The following CDH8 variants were observed in gnomAD, a reference collection of about 807,000 sequenced individuals.
CDH8 encodes the protein cadherin 8.
In CDH8, 17 loss-of-function variants were observed where a neutral mutation model predicts 68.1. The ratio of observed to expected loss-of-function variants is 0.25; its 90% CI spans 0.17 to 0.37. CDH8 has a LOEUF of 0.37. Ranked by LOEUF, CDH8 falls within the 10% of genes least tolerant of loss-of-function variation. The pLI is 1.00. For missense variants in CDH8, 763 were observed against 999.3 expected, an observed-to-expected ratio of 0.76 and a Z score of 3.19; for synonymous variants, 372 against 365.1, an observed-to-expected ratio of 1.02 and a Z score of -0.21.
chr16:61,960,409 ATATG>A (rs1367048161), intron 2 of CDH8, among the ~76,000 whole-genome samples: 4 of 102,826 alleles, frequency 3.9e-5, no homozygotes, highest in African/African-American at 1.7e-4. Context: ...ATATATACAT[ATATG>A]TGTGTGTGTA....
chr16:61,712,322 T>C (rs1310826607), intron 10 of CDH8, among the ~76,000 whole-genome samples: 3 of 151,720 alleles, frequency 2.0e-5, no homozygotes, highest in African/African-American at 4.8e-5. Context: ...ATACCTTATG[T>C]GATGCCTTCT....
intron 2 of CDH8, among the ~76,000 whole-genome samples, chr16:61,911,352 A>AT (rs1398211695): frequency 2.0e-5 from 3 of 152,106 alleles, no homozygotes; most frequent in Non-Finnish European, 2.9e-5. Context: ...TTATGTTTCA[A>AT]TGCACATTAA....
At chr16:61,671,526 T>A (rs746716366) in intron 10 of CDH8, among the ~76,000 whole-genome samples, 18 of 151,912 alleles carry the variant, frequency 1.2e-4, no homozygotes, top group Non-Finnish European at 2.2e-4. Flanking sequence ...TAAAGTCCAG[T>A]GTTTGTCCTT....
chr16:61,853,610 C>T (rs374327793), intron 4 of CDH8, among the ~76,000 whole-genome samples: 17 of 152,120 alleles, frequency 1.1e-4, no homozygotes, highest in Admixed American at 2.0e-4. Context: ...CCAACATTTT[C>T]GAACCCATCT....
At chr16:61,830,441 T>C (rs930612330) in intron 4 of CDH8, among the ~76,000 whole-genome samples, 4 of 151,836 alleles carry the variant, frequency 2.6e-5, no homozygotes, top group Non-Finnish European at 5.9e-5. Flanking sequence ...TTTTCAACTT[T>C]TATTCTAAAA....
At chr16:61,934,926 C>A (rs563539395) in intron 2 of CDH8, among the ~76,000 whole-genome samples, 2 of 152,254 alleles carry the variant, frequency 1.3e-5, no homozygotes, top group South Asian at 4.1e-4. Flanking sequence ...CATCTCATGC[C>A]AAGTCCAAAA....
intron 3 of CDH8, among the ~76,000 whole-genome samples, chr16:61,867,768 C>T (rs1963283605): frequency 6.6e-6 from 1 of 152,098 alleles, no homozygotes; most frequent in African/African-American, 2.4e-5. Context: ...ACCCAGATTC[C>T]AGATTTAGTT....
At position 61,742,129 on chromosome 16, in the gene CDH8, T is replaced by C. The variant is rs192016803; in HGVS notation, c.1415-14914A>G. 3.0e-4 allele frequency among the ~76,000 whole-genome samples: 45 copies of C among 152,300 alleles called. No homozygotes were observed. The East Asian group carries it at 7.1e-3, about 24-fold the overall frequency. ...AGATTGTTTTGCTATGTAATTGAAG[T>C]CTGCTCAATATTATAGGTAGTATTT... is the stretch of plus-strand genomic sequence containing the variant. On this transcript the variant is annotated intron_variant, in intron 8 of 11. Coordinates refer to ENST00000577390, the MANE Select transcript of CDH8 (RefSeq NM_001796.5).
intron 2 of CDH8, among the ~76,000 whole-genome samples, chr16:61,999,966 C>G (rs1382768261): frequency 6.6e-6 from 1 of 151,922 alleles, no homozygotes; most frequent in African/African-American, 2.4e-5. Context: ...CCCCTTGCCC[C>G]CCGACCCCTG....
intron 4 of CDH8, among the ~76,000 whole-genome samples, chr16:61,847,150 A>G (rs914925700): frequency 3.3e-5 from 5 of 152,010 alleles, no homozygotes; most frequent in Non-Finnish European, 5.9e-5. Context: ...TTCATTCTGG[A>G]TTTAACTGTC....
intron 8 of CDH8, among the ~76,000 whole-genome samples, chr16:61,775,532 ATGTGGCT>A (rs1960879882): frequency 6.6e-6 from 1 of 152,124 alleles, no homozygotes; most frequent in Non-Finnish European, 1.5e-5. Context: ...ACTCTTGATC[ATGTGGCT>A]TGTTTTGGTC....
At chr16:61,661,367 T>C (rs1374888671) in intron 10 of CDH8, among the ~76,000 whole-genome samples, 1 of 151,726 alleles carries the variant, frequency 6.6e-6, no homozygotes, top group Non-Finnish European at 1.5e-5. Flanking sequence ...CCTCAATACA[T>C]GATAGAATGA....
At chr16:61,737,682 C>T (rs544484912) in intron 8 of CDH8, among the ~76,000 whole-genome samples, 9 of 152,202 alleles carry the variant, frequency 5.9e-5, no homozygotes, top group Admixed American at 2.0e-4. Context: ...AATTAACCAA[C>T]GGACACCAAG....
intron 10 of CDH8, among the ~76,000 whole-genome samples, chr16:61,676,164 A>G (rs1963905948): frequency 6.6e-6 from 1 of 150,454 alleles, no homozygotes; most frequent in Admixed American, 6.6e-5. Context: ...AAAAACCACA[A>G]CGTTTTGCTT....
chr16:61,793,355 C>T (rs1961423100), intron 7 of CDH8, among the ~76,000 whole-genome samples: 1 of 151,840 alleles, frequency 6.6e-6, no homozygotes, highest in African/African-American at 2.4e-5. Flanking sequence ...TATTTCATCA[C>T]CCAGGTCTTA....
intron 8 of CDH8, among the ~76,000 whole-genome samples, chr16:61,733,263 C>A (rs1476725337): frequency 6.6e-6 from 1 of 151,634 alleles, no homozygotes; most frequent in Non-Finnish European, 1.5e-5. Context: ...TAAAAACTTA[C>A]AAATATTTGT....
intron 10 of CDH8, among the ~76,000 whole-genome samples, chr16:61,656,174 C>T (rs4636897): frequency 0.14 from 20,730 of 152,094 alleles, 1,597 homozygotes; most frequent in African/African-American, 0.2. Context: ...GCCCGGCCTG[C>T]GCTTTTTCAA....
At chr16:61,829,123 A>T (rs2057980179) in intron 4 of CDH8, among the ~76,000 whole-genome samples, 1 of 151,844 alleles carries the variant, frequency 6.6e-6, no homozygotes, top group African/African-American at 2.4e-5. Flanking sequence ...AATATACATT[A>T]ACCTAGGAGG....
At chr16:61,990,408 A>G (rs1030375131) in intron 2 of CDH8, among the ~76,000 whole-genome samples, 35 of 137,860 alleles carry the variant, frequency 2.5e-4, no homozygotes, top group African/African-American at 9.6e-4. Context: ...TCTGCCTCCC[A>G]GGTTCAAGTG....
Sources: allele counts gnomAD v4.1 joint callset (sites outside exome capture counted in the v4.1 genomes callset), GRCh38; gene constraint gnomAD v4.1.1; transcripts MANE v1.5; gene names NCBI Gene and HGNC (gene_info 2026-07-23, HGNC 2026-07-21).